Variants in SRGAP2B observed in about 807,000 individuals in gnomAD.
The protein encoded by SRGAP2B is SLIT-ROBO Rho GTPase-activating protein 2B.
A neutral mutation model predicts 22.2 loss-of-function variants in SRGAP2B; 9 were observed. The ratio of observed to expected loss-of-function variants is 0.41; its 90% CI spans 0.24 to 0.71. SRGAP2B has a LOEUF of 0.71. Ranked by LOEUF, SRGAP2B falls within the 30% of genes least tolerant of loss-of-function variation. The pLI is 0.35. For missense variants in SRGAP2B, 114 were observed against 235.8 expected, an observed-to-expected ratio of 0.48 and a Z score of 3.38; for synonymous variants, 36 against 87.4, an observed-to-expected ratio of 0.41 and a Z score of 3.28.
At chr1:144,983,815 CCA>C (rs1553615377) in intron 3 of SRGAP2B, among the ~76,000 whole-genome samples, 1 of 150,026 alleles carries the variant, frequency 6.7e-6, no homozygotes, top group African/African-American at 2.5e-5. Context: ...ACAAATATTT[CCA>C]CAGTTTCAAC....
intron 7 of SRGAP2B, among the ~76,000 whole-genome samples, chr1:144,904,072 C>T (rs1469451847): frequency 6.9e-6 from 1 of 144,812 alleles, no homozygotes; most frequent in Non-Finnish European, 1.5e-5. Context: ...AACACATGTG[C>T]CTATTAACCG....
At chr1:145,022,375 G>A (rs1647250711) in intron 2 of SRGAP2B, among the ~76,000 whole-genome samples, 1 of 114,030 alleles carries the variant, frequency 8.8e-6, no homozygotes, top group Admixed American at 9.5e-5. Context: ...ATATAAGGGA[G>A]GGGAAGTGGA....
At chr1:145,046,604 T>TA (rs1649818763) in intron 2 of SRGAP2B, among the ~76,000 whole-genome samples, 1 of 131,634 alleles carries the variant, frequency 7.6e-6, no homozygotes, top group East Asian at 2.2e-4. Context: ...TTTAAACTGT[T>TA]ACTGGGGGAA....
chr1:144,955,507 T>A (rs200999776), exon 4 of SRGAP2B: 7 of 1,136,540 alleles, frequency 6.2e-6, no homozygotes, highest in Non-Finnish European at 7.7e-6. Context: ...TTCAGGTAGA[T>A]GTCACTCAGG....
intron 3 of SRGAP2B, among the ~76,000 whole-genome samples, chr1:144,958,086 C>T (rs1416629407): frequency 1.3e-5 from 2 of 150,194 alleles, no homozygotes; most frequent in Admixed American, 6.6e-5. Context: ...AGTGCAAATG[C>T]TGCAATATAG....
At chr1:145,001,855 T>C (rs1415955462) in intron 2 of SRGAP2B, among the ~76,000 whole-genome samples, 6 of 150,416 alleles carry the variant, frequency 4.0e-5, no homozygotes, top group African/African-American at 1.5e-4. Context: ...ATCCCAGCTC[T>C]ACAAAATTTT....
chr1:145,076,372 T>C (rs1372935825), intron 2 of SRGAP2B, among the ~76,000 whole-genome samples: 1 of 149,732 alleles, frequency 6.7e-6, no homozygotes, highest in Admixed American at 6.6e-5. Flanking sequence ...AAATCTATAA[T>C]GAATGTTCAG....
chr1:145,084,924 C>T (rs1295818111), intron 2 of SRGAP2B, among the ~76,000 whole-genome samples: 2 of 150,844 alleles, frequency 1.3e-5, no homozygotes, highest in African/African-American at 4.9e-5. Context: ...CTAGTTCAGG[C>T]CAGATCTATT....
intron 3 of SRGAP2B, among the ~76,000 whole-genome samples, chr1:144,978,021 T>TCA (rs1351179672): frequency 2.2e-5 from 2 of 91,924 alleles, no homozygotes; most frequent in African/African-American, 4.6e-5. Flanking sequence ...TATTACTGAT[T>TCA]CACATATAAT....
intron 2 of SRGAP2B, among the ~76,000 whole-genome samples, chr1:145,041,075 GTATATATATATATATA>G (rs370443273): frequency 2.1e-4 from 16 of 76,470 alleles, no homozygotes; most frequent in East Asian, 2.0e-3. Flanking sequence ...TATATATATA[GTATATATATATATATA>G]TATATATATA....
At chr1:144,972,003 G>T (rs879991329) in intron 3 of SRGAP2B, among the ~76,000 whole-genome samples, 1 of 150,348 alleles carries the variant, frequency 6.7e-6, no homozygotes, top group Non-Finnish European at 1.5e-5. Context: ...GCCCCAGAGC[G>T]CAGAGCTATT....
In SRGAP2B at chr1:144,905,294, G is replaced by A. The variant is rs1457428461; in HGVS notation, c.703-75C>T. Reference sequence around the variant, plus strand: ...TTGTTCTCTAAAAGATAAAAGTACAGTGTATTCAAGAACTACAATTGTGTT... The same window carrying A: ...TTGTTCTCTAAAAGATAAAAGTACAATGTATTCAAGAACTACAATTGTGTT... On this transcript the variant is annotated intron_variant, in intron 6 of 9. Coordinates refer to ENST00000612199, the Ensembl canonical transcript of SRGAP2B. 27 of 638,510 alleles carry A rather than the reference G, an allele frequency of 4.2e-5. No homozygotes were observed. In the South Asian group the frequency reaches 5.0e-4, roughly 12 times the overall value. 39.6% of individuals were successfully genotyped at this position (638,510 alleles called of 1,614,324 possible). A position where few individuals can be genotyped will look rare whatever the true frequency, so the allele number is the denominator to read the frequency against.
intron 2 of SRGAP2B, among the ~76,000 whole-genome samples, chr1:145,041,787 C>T (rs1157937787): frequency 6.9e-6 from 1 of 144,946 alleles, no homozygotes; most frequent in Non-Finnish European, 1.5e-5. Context: ...TAGCTCTTAT[C>T]ACACCTTCCC....
intron 2 of SRGAP2B, among the ~76,000 whole-genome samples, chr1:145,006,261 AT>A (rs1553621055): frequency 6.6e-6 from 1 of 150,776 alleles, no homozygotes. Flanking sequence ...CGAATGAAAT[AT>A]TTTCCCTCCT....
Position 144,970,417 on chromosome 1 carries a change from T to A in SRGAP2B, c.261-14816A>T, listed in dbSNP as rs1400117420. On this transcript the variant is annotated intron_variant, in intron 3 of 9. Coordinates refer to ENST00000612199, the Ensembl canonical transcript of SRGAP2B. ...CAAGAACAAAAAACCAAACACCGCA[T>A]ATTCTCACTCATAGGTGGGAACTGA... is the stretch of plus-strand genomic sequence containing the variant. Among the ~76,000 whole-genome samples the A allele has an allele frequency of 3.3e-5, 4 of 121,734 alleles. No individual in the cohort carries two copies. In the East Asian group the frequency reaches 9.4e-4, roughly 29 times the overall value. The allele number at this position is 121,734 out of a possible 152,430, so 79.9% of individuals were successfully genotyped here. A position where few individuals can be genotyped will look rare whatever the true frequency, so the allele number is the denominator to read the frequency against.
intron 4 of SRGAP2B, among the ~76,000 whole-genome samples, chr1:144,939,026 C>T (rs1228230649): frequency 3.4e-5 from 2 of 58,928 alleles, no homozygotes; most frequent in Admixed American, 2.1e-4. Context: ...CTGAGTACTG[C>T]TGCCAATGCC....
intron 5 of SRGAP2B, among the ~76,000 whole-genome samples, chr1:144,911,694 T>G (rs1474166744): frequency 6.7e-6 from 1 of 148,722 alleles, no homozygotes; most frequent in Non-Finnish European, 1.5e-5. Flanking sequence ...CTTGGCTCAC[T>G]GCAAGCTCTG....
intron 4 of SRGAP2B, among the ~76,000 whole-genome samples, chr1:144,925,708 A>G (rs1350563195): frequency 3.9e-5 from 4 of 101,856 alleles, no homozygotes; most frequent in Admixed American, 1.0e-4. Flanking sequence ...GAGAGAGAGA[A>G]AGAGAGAGAG....
At chr1:145,062,949 C>G (rs1651079537) in intron 2 of SRGAP2B, among the ~76,000 whole-genome samples, 1 of 148,244 alleles carries the variant, frequency 6.7e-6, no homozygotes, top group African/African-American at 2.6e-5. Flanking sequence ...TCTATAAGCA[C>G]CATTTAACTT....
Sources: allele counts gnomAD v4.1 joint callset (sites outside exome capture counted in the v4.1 genomes callset), GRCh38; gene constraint gnomAD v4.1.1; transcripts MANE v1.5; gene names NCBI Gene and HGNC (gene_info 2026-07-23, HGNC 2026-07-21).